The following BEAN1 variants were observed in gnomAD, a reference collection of about 807,000 sequenced individuals.
BEAN1 encodes the protein protein BEAN1.
Under a neutral mutation model 17.7 loss-of-function variants are expected in BEAN1, and 17 were observed. The observed-to-expected ratio is 0.96, with a 90% CI of 0.66 to 1.44. BEAN1 has a LOEUF of 1.44. Ranked by LOEUF, BEAN1 falls within the 40% of genes most tolerant of loss-of-function variation. The probability of loss-of-function intolerance (pLI) is 0.00; values close to 1 mark genes in which losing one functional copy is unlikely to be tolerated. For synonymous variants in BEAN1, 142 were observed against 151.8 expected, an observed-to-expected ratio of 0.94 and a Z score of 0.47; for missense variants, 359 against 374.1, an observed-to-expected ratio of 0.96 and a Z score of 0.33.
downstream of BEAN1, among the ~76,000 whole-genome samples, chr16:66,486,176 T>TC (rs1226396879): frequency 6.6e-6 from 1 of 152,242 alleles, no homozygotes; most frequent in Admixed American, 6.5e-5. Flanking sequence ...AGACATGTCC[T>TC]CATCCCTGAC....
At chr16:66,468,462 A>G (rs945183655) in intron 2 of BEAN1, among the ~76,000 whole-genome samples, 9 of 152,070 alleles carry the variant, frequency 5.9e-5, no homozygotes, top group African/African-American at 1.9e-4. Context: ...CTGGCTCCCT[A>G]CTGCTGTTCA....
At chr16:66,476,607 G>A (rs1246753800) in intron 3 of BEAN1, among the ~76,000 whole-genome samples, 2 of 152,204 alleles carry the variant, frequency 1.3e-5, no homozygotes, top group Non-Finnish European at 2.9e-5. Context: ...ATACATGTCA[G>A]AAACTGGGCT....
intron 2 of BEAN1, among the ~76,000 whole-genome samples, chr16:66,459,637 G>C (rs1198341791): frequency 6.6e-6 from 1 of 152,086 alleles, no homozygotes; most frequent in Non-Finnish European, 1.5e-5. Context: ...ACAGTCTCTT[G>C]ATGTGACCTT....
chr16:66,429,838 AAC>A (rs35897667), intron 1 of BEAN1, among the ~76,000 whole-genome samples: 17,176 of 152,218 alleles, frequency 0.11, 1,104 homozygotes, highest in Middle Eastern at 0.24. Context: ...CAGGATTTGG[AAC>A]ACAGCCAGTG....
At chr16:66,449,141 T>C (rs1483504017) in intron 2 of BEAN1, among the ~76,000 whole-genome samples, 4 of 152,222 alleles carry the variant, frequency 2.6e-5, no homozygotes, top group African/African-American at 9.6e-5. Context: ...TTGCTTATTT[T>C]TGAATTTTAT....
chr16:66,480,675 C>G lies in BEAN1; in HGVS notation c.530C>G (p.Thr177Arg). The G allele has an allele frequency of 6.4e-7, 1 of 1,551,682 alleles. No homozygotes were observed. Among genetic ancestry groups the G allele is most frequent in the Non-Finnish European group, 8.7e-7 (1 of 1,146,952 alleles). Residue 177 changes from threonine (T) to arginine (R), a missense_variant, in exon 5 of 5, where the codon ACG (threonine) becomes AGG (arginine). Thr to Arg is a moderately conservative substitution (Grantham distance 71). Coordinates refer to ENST00000536005, the MANE Select transcript of BEAN1 (RefSeq NM_001178020.3). ...PPYSLTDSCP[T>R]LDGTSDSGSG... ...TACTCGCTGACTGATTCCTGCCCCA[C>G]GCTGGATGGCACCTCCGACTCAGGC...
At chr16:66,435,206 T>C (rs1260513328) in intron 1 of BEAN1, among the ~76,000 whole-genome samples, 1 of 151,984 alleles carries the variant, frequency 6.6e-6, no homozygotes, top group Non-Finnish European at 1.5e-5. Context: ...TCTCTGGGGG[T>C]GTCCCTGGCA....
intron 4 of BEAN1, among the ~76,000 whole-genome samples, chr16:66,478,312 T>A (rs968953574): frequency 1.2e-4 from 19 of 152,134 alleles, no homozygotes; most frequent in African/African-American, 4.3e-4. Flanking sequence ...CATGTAATAA[T>A]ACCTGCCCCA....
At chr16:66,439,543 C>G (rs994359159) in intron 2 of BEAN1, among the ~76,000 whole-genome samples, 7 of 152,288 alleles carry the variant, frequency 4.6e-5, no homozygotes, top group Middle Eastern at 3.4e-3. Context: ...AAGCTGGGTC[C>G]ATCTCACTAA....
chr16:66,433,972 G>A (rs1961909292), intron 1 of BEAN1, among the ~76,000 whole-genome samples: 2 of 152,236 alleles, frequency 1.3e-5, no homozygotes, highest in Non-Finnish European at 2.9e-5. Flanking sequence ...AGAGCCCAGA[G>A]TGGAGATATT....
intron 2 of BEAN1, among the ~76,000 whole-genome samples, chr16:66,439,681 G>A (rs1020795098): frequency 6.6e-6 from 1 of 152,116 alleles, no homozygotes; most frequent in African/African-American, 2.4e-5. Flanking sequence ...CTTCCCCAAA[G>A]ACCCAATACC....
At chr16:66,446,711 T>C (rs1962470371) in intron 2 of BEAN1, among the ~76,000 whole-genome samples, 1 of 152,058 alleles carries the variant, frequency 6.6e-6, no homozygotes, top group South Asian at 2.1e-4. Context: ...GATTTCTGTA[T>C]CTAGAAGTCT....
At chr16:66,470,220 T>A (rs1012201637) in intron 3 of BEAN1, among the ~76,000 whole-genome samples, 6 of 126,328 alleles carry the variant, frequency 4.7e-5, no homozygotes, top group African/African-American at 9.0e-5. Context: ...GGATGGATGG[T>A]TGGGTGGAGA....
chr16:66,495,135 G>A (rs1964227841), downstream of BEAN1, among the ~76,000 whole-genome samples: 1 of 152,160 alleles, frequency 6.6e-6, no homozygotes. Context: ...AGGCTGGAAG[G>A]ATTTTAAAAG....
At chr16:66,484,139 A>C, downstream of BEAN1, 1 of 191,474 alleles carries the variant, frequency 5.2e-6, no homozygotes, top group East Asian at 1.3e-4. This position sits in a 1 kb window ranked among gnomAD's most constrained non-coding sequence, Gnocchi z 4.2. Context: ...CACTCTCTGG[A>C]CAAAGCCTGA....
chr16:66,480,874 C>A lies in BEAN1; in HGVS notation c.729C>A (p.Gly243=). 6.8e-7 allele frequency: 1 copy of A among 1,481,480 alleles called. No individual in the cohort carries two copies. The allele number at this position is 1,481,480 out of a possible 1,614,324, so 91.8% of individuals were successfully genotyped here. A position where few individuals can be genotyped will look rare whatever the true frequency, so the allele number is the denominator to read the frequency against. ...ACCCAGGGCCAAGGGGCTCCCAGGG[C>A]TCACCCACCCCAACCCGGGCCCCAG... ...GPDPGPRGSQ[G]SPTPTRAPAS... is the part of the protein sequence containing the mutation. Residue 243 remains glycine (G), a synonymous_variant, in exon 5 of 5, where the codon GGC becomes GGA. Transcript: ENST00000536005.
At chr16:66,453,622 A>C (rs944740053) in intron 2 of BEAN1, among the ~76,000 whole-genome samples, 4 of 152,162 alleles carry the variant, frequency 2.6e-5, no homozygotes, top group African/African-American at 9.7e-5. Context: ...TTGACCTCCC[A>C]AAGTGTTGGG....
chr16:66,477,490 A>T (rs533758834), intron 3 of BEAN1, 70 bp from the exon 4 acceptor site: 1 of 1,384,326 alleles, frequency 7.2e-7, no homozygotes, highest in East Asian at 2.8e-5. Context: ...CCCCAGGTAG[A>T]CCTACAGACC....
chr16:66,452,581 G>A (rs552751210), intron 2 of BEAN1, among the ~76,000 whole-genome samples: 5 of 152,236 alleles, frequency 3.3e-5, no homozygotes, highest in Non-Finnish European at 5.9e-5. Flanking sequence ...GGTGGCACCA[G>A]AATCCCTCAT....
Sources: gnomAD v4.1 joint callset for allele counts (sites outside exome capture counted in the v4.1 genomes callset) on GRCh38, gnomAD v4.1.1 for gene constraint, Gnocchi (gnomAD v3.1) non-coding constraint, MANE v1.5 for transcripts, NCBI Gene and HGNC (gene_info 2026-07-23, HGNC 2026-07-21) for gene names.